CELSR3: variants seen among roughly 807,000 people sequenced by gnomAD.
The protein encoded by CELSR3 is cadherin EGF LAG seven-pass G-type receptor 3, also known as EGF-like protein 1.
CELSR3 carries 73 observed loss-of-function variants against 270.0 expected under a neutral mutation model. That is an observed-to-expected ratio of 0.27 (90% CI 0.22 to 0.33). CELSR3 has a LOEUF of 0.33. Among genes scored for constraint, CELSR3 ranks in the 10% least tolerant of loss-of-function variants. CELSR3 has a pLI of 1.00. For synonymous variants in CELSR3, 1,780 were observed against 1,905.4 expected (o/e 0.93, Z 1.71); for missense variants, 3,614 against 4,533.8 (o/e 0.80, Z 5.83).
At position 48,656,289 on chromosome 3, in the gene CELSR3, G is replaced by T. The variant is rs759668141; in HGVS notation, c.4476C>A (p.Asp1492Glu). 11 of 1,531,828 alleles carry T rather than the reference G, an allele frequency of 7.2e-6. No individual in the cohort carries two copies. The South Asian group carries it at 1.1e-4, about 15-fold the overall frequency. 94.9% of individuals were successfully genotyped at this position (1,531,828 alleles called of 1,614,324 possible). Reference protein sequence around the residue: ...GVCRNGGTCTDAPNGGFRCQC... With the variant: ...GVCRNGGTCTEAPNGGFRCQC... Reference sequence around the variant, plus strand: ...GGCAGCGAAAGCCGCCGTTGGGCGCGTCGGTGCAGGTGCCCCCGTTGCGGC... The same window carrying T: ...GGCAGCGAAAGCCGCCGTTGGGCGCTTCGGTGCAGGTGCCCCCGTTGCGGC... Residue 1492 changes from aspartate (D) to glutamate (E), a missense_variant, in exon 3 of 35, where the codon GAC (aspartate) becomes GAA (glutamate). By Grantham distance (45) the Asp-to-Glu change is conservative. Transcript: ENST00000164024.
At position 48,644,355 on chromosome 3, in the gene CELSR3, G is replaced by T; in HGVS notation, c.8086-60C>A. On this transcript the variant is annotated intron_variant, in intron 26 of 34. Coordinates refer to ENST00000164024, the MANE Select transcript of CELSR3 (RefSeq NM_001407.3). This position sits in a 1 kb window ranked among gnomAD's most constrained non-coding sequence, Gnocchi z 4.8. ...GGCAGAGAGAGAGAGAGAGAGAGAG[G>T]CAATGAGAGACAGAGAGAGACTAAG... is the stretch of plus-strand genomic sequence containing the variant. 7.6e-7 allele frequency: 1 copy of T among 1,312,896 alleles called. No individual in the cohort carries two copies. The highest frequency in any genetic ancestry group is 1.1e-6 in the Non-Finnish European group (1 of 913,642). 81.3% of individuals were successfully genotyped at this position (1,312,896 alleles called of 1,614,324 possible). A position where few individuals can be genotyped will look rare whatever the true frequency, so the allele number is the denominator to read the frequency against.
Position 48,650,392 on chromosome 3 carries a change from A to T in CELSR3, c.6472+88T>A. ...TCCACCTCTTTGCAGGAACAAAGCCACCCAATTTAGGAAAAGACATGGCTC... is the reference window on the plus strand; with the variant it reads ...TCCACCTCTTTGCAGGAACAAAGCCTCCCAATTTAGGAAAAGACATGGCTC... On this transcript the variant is annotated intron_variant, in intron 16 of 34. Coordinates refer to ENST00000164024, the MANE Select transcript of CELSR3 (RefSeq NM_001407.3). The surrounding 1 kb of genome is among the most constrained non-coding windows in gnomAD (Gnocchi z 5.1). The T allele has an allele frequency of 9.4e-7, 1 of 1,063,930 alleles. No individual in the cohort carries two copies. The highest frequency in any genetic ancestry group is 1.4e-6 in the Non-Finnish European group (1 of 706,610). The allele number at this position is 1,063,930 out of a possible 1,614,324, so 65.9% of individuals were successfully genotyped here.
Position 48,662,462 on chromosome 3 carries a change from C to T in CELSR3, c.173G>A (p.Gly58Asp). The change falls in exon 1 of 35, where the codon GGC becomes GAC. Residue 58 changes from glycine to aspartate, a missense_variant. Around this residue, in one of 7 missense-constraint regions of CELSR3, gnomAD observed 470 missense variants for 469.7 expected, o/e 1.00. Coordinates refer to ENST00000164024, the MANE Select transcript of CELSR3 (RefSeq NM_001407.3). The surrounding 1 kb of genome is among the most constrained non-coding windows in gnomAD (Gnocchi z 7.1). The part of the protein sequence containing the change: ...ATTGPRAHIG[G>D]GALALCPESS... ...CTCCGGACAAAGAGCTAAGGCTCCGCCACCGATATGCGCCCTTGGCCCCGT... is the reference window on the plus strand; with the variant it reads ...CTCCGGACAAAGAGCTAAGGCTCCGTCACCGATATGCGCCCTTGGCCCCGT... 5 of 1,612,806 alleles carry T rather than the reference C, an allele frequency of 3.1e-6. No homozygotes were observed. Among genetic ancestry groups the T allele is most frequent in the Non-Finnish European group, 4.2e-6 (5 of 1,179,900 alleles).
rs781250729 is a variant in CELSR3 at position 48,645,425 on chromosome 3, C to T, written c.7797+18G>A. ...GTAGGGTCATCAGGACACAAGTTCC[C>T]TGGCCCTGATCCTGCACCTGATTGT... On this transcript the variant is annotated intron_variant, in intron 24 of 34. Transcript: ENST00000164024. The surrounding 1 kb of genome is among the most constrained non-coding windows in gnomAD (Gnocchi z 5.4). 3 of 1,612,612 alleles carry T rather than the reference C, an allele frequency of 1.9e-6. No homozygotes were observed. Among genetic ancestry groups the T allele is most frequent in the African/African-American group, 1.3e-5 (1 of 74,928 alleles).
At position 48,643,057 on chromosome 3, in the gene CELSR3, A is replaced by G. The variant is rs773745085; in HGVS notation, c.8316T>C (p.Cys2772=). ...CAGCCCGAGCATCTGCATTTAGGAC[A>G]CAGAAGAGCAGCAGCACCGCCAGGC... is the stretch of plus-strand genomic sequence containing the variant. The part of the protein sequence containing the change: ...LQGLAVLLLF[C]VLNADARAAW... Residue 2772 remains cysteine (C), a synonymous_variant, in exon 29 of 35, where the codon TGT becomes TGC. Transcript: ENST00000164024. The G allele has an allele frequency of 2.5e-6, 4 of 1,612,632 alleles. No homozygotes were observed. The highest frequency in any genetic ancestry group is 3.4e-6 in the Non-Finnish European group (4 of 1,179,742).
chr3:48,645,559 G>A lies in CELSR3; in HGVS notation c.7681C>T (p.Leu2561=). The A allele has an allele frequency of 1.9e-6, 3 of 1,612,666 alleles. No individual in the cohort carries two copies. The highest frequency in any genetic ancestry group is 2.5e-6 in the Non-Finnish European group (3 of 1,179,978). Residue 2561 remains leucine, a synonymous_variant, in exon 24 of 35, where the codon CTG becomes TTG. Transcript: ENST00000164024. This position sits in a 1 kb window ranked among gnomAD's most constrained non-coding sequence, Gnocchi z 5.4. The part of the protein sequence containing the change: ...VAALVLTAAI[L]LSLRSLKSNV... Reference sequence around the variant, plus strand: ...GACTTGAGGCTGCGCAGGCTCAGCAGGATGGCTGCAGTCAGCACCAGCGCA... The same window carrying A: ...GACTTGAGGCTGCGCAGGCTCAGCAAGATGGCTGCAGTCAGCACCAGCGCA...
In CELSR3 at chr3:48,662,699, C is replaced by T. The variant is rs548854693; in HGVS notation, c.-65G>A. 1.9e-5 allele frequency: 14 copies of T among 726,104 alleles called. No individual in the cohort carries two copies. The East Asian group carries it at 4.3e-4, about 22-fold the overall frequency. The allele number at this position is 726,104 out of a possible 1,614,324, so 45.0% of individuals were successfully genotyped here. A position where few individuals can be genotyped will look rare whatever the true frequency, so the allele number is the denominator to read the frequency against. ...GGTCCGGGCCTTGGGCTGGCCCCGC[C>T]GCTCGGGCCCCCTCCCGGGCCCCTG... is the stretch of plus-strand genomic sequence containing the variant. On this transcript the variant is annotated 5_prime_UTR_variant, in exon 1 of 35. Coordinates refer to ENST00000164024, the MANE Select transcript of CELSR3 (RefSeq NM_001407.3). The surrounding 1 kb of genome is among the most constrained non-coding windows in gnomAD (Gnocchi z 7.1).
chr3:48,640,774 C>T lies in CELSR3; in HGVS notation c.9026-215G>A. Reference sequence around the variant, plus strand: ...AGGGCAGTCATCTTCCAGTTGTGGTCCCGGGGCAGGGGGAGGGCGGGCAGG... The same window carrying T: ...AGGGCAGTCATCTTCCAGTTGTGGTTCCGGGGCAGGGGGAGGGCGGGCAGG... On this transcript the variant is annotated intron_variant, in intron 33 of 34. Coordinates refer to ENST00000164024, the MANE Select transcript of CELSR3 (RefSeq NM_001407.3). This position sits in a 1 kb window ranked among gnomAD's most constrained non-coding sequence, Gnocchi z 7.5. The T allele has an allele frequency of 5.4e-6, 3 of 552,404 alleles. No homozygotes were observed. The highest frequency in any genetic ancestry group is 6.3e-6 in the Non-Finnish European group (2 of 318,042). 34.2% of individuals were successfully genotyped at this position (552,404 alleles called of 1,614,324 possible). A position where few individuals can be genotyped will look rare whatever the true frequency, so the allele number is the denominator to read the frequency against.
rs2077042694 is a variant in CELSR3, at chr3:48,658,683, C to T, written c.3748+204G>A. Among the ~76,000 whole-genome samples, 1 of 152,176 alleles carries T rather than the reference C, an allele frequency of 6.6e-6. No individual in the cohort carries two copies. Among genetic ancestry groups the T allele is most frequent in the Admixed American group, 6.5e-5 (1 of 15,292 alleles). On this transcript the variant is annotated intron_variant, in intron 1 of 34. Transcript: ENST00000164024. This position sits in a 1 kb window ranked among gnomAD's most constrained non-coding sequence, Gnocchi z 4.7. ...TGGGGTCTGCTAGATGCCTTGGAAT[C>T]ACTGGGATTCTGTGGAGATTATCCA...
chr3:48,645,532 T>C lies in CELSR3; in HGVS notation c.7708A>G (p.Asn2570Asp), dbSNP rs1295633910. The change falls in exon 24 of 35, where the codon AAT becomes GAT. Residue 2570 changes from asparagine (N) to aspartate (D), a missense_variant. Physicochemically the swap from Asn to Asp is conservative, Grantham distance 23 (BLOSUM62 1). Coordinates refer to ENST00000164024, the MANE Select transcript of CELSR3 (RefSeq NM_001407.3). The surrounding 1 kb of genome is among the most constrained non-coding windows in gnomAD (Gnocchi z 5.4). ...ACATTGGCATGGATCCCACGCACAT[T>C]GGACTTGAGGCTGCGCAGGCTCAGC... is the stretch of plus-strand genomic sequence containing the variant. Reference protein sequence around the residue: ...ILLSLRSLKSNVRGIHANVAA... With the variant: ...ILLSLRSLKSDVRGIHANVAA... 1 of 1,612,726 alleles carries C rather than the reference T, an allele frequency of 6.2e-7. No individual in the cohort carries two copies. Among genetic ancestry groups the C allele is most frequent in the Admixed American group, 1.7e-5 (1 of 60,028 alleles).
Position 48,655,674 on chromosome 3 carries a change from A to C in CELSR3, c.4741+62T>G. 2.2e-6 allele frequency: 3 copies of C among 1,391,680 alleles called. No homozygotes were observed. The highest frequency in any genetic ancestry group is 1.2e-5 in the South Asian group (1 of 86,424). The allele number at this position is 1,391,680 out of a possible 1,614,324, so 86.2% of individuals were successfully genotyped here. A position where few individuals can be genotyped will look rare whatever the true frequency, so the allele number is the denominator to read the frequency against. ...TGCACAGTGAAGCAAACCTGAGGGG[A>C]CTTGGGCCCTGCGTCCTCCAGCACA... On this transcript the variant is annotated intron_variant, in intron 4 of 34. Transcript: ENST00000164024. The surrounding 1 kb of genome is among the most constrained non-coding windows in gnomAD (Gnocchi z 5.8).
chr3:48,640,430 G>A lies in CELSR3; in HGVS notation c.9155C>T (p.Ala3052Val), dbSNP rs563226295. The change falls in exon 34 of 35, where the codon GCT (alanine) becomes GTT (valine). Residue 3052 changes from alanine to valine, a missense_variant. By Grantham distance (64) the Ala-to-Val change is moderately conservative. Transcript: ENST00000164024. The surrounding 1 kb of genome is among the most constrained non-coding windows in gnomAD (Gnocchi z 7.5). ...TGAAAGGCTGCCCGTGCCCCCGCCAGCATAGATGCGACCGTAAGAGGCAGC... is the reference window on the plus strand; with the variant it reads ...TGAAAGGCTGCCCGTGCCCCCGCCAACATAGATGCGACCGTAAGAGGCAGC... ...VPAASYGRIY[A>V]GGGTGSLSQP... 5 of 1,612,686 alleles carry A rather than the reference G, an allele frequency of 3.1e-6. No individual in the cohort carries two copies. The Admixed American group carries it at 8.3e-5, about 27-fold the overall frequency.
rs2046987852 is a variant in CELSR3, at chr3:48,637,963, T to C, written c.*242A>G. Reference sequence around the variant, plus strand: ...AAAGCTGAAAAATAACATAAGCATCTCTCTGGTTACAAAGGTACAAAACGT... The same window carrying C: ...AAAGCTGAAAAATAACATAAGCATCCCTCTGGTTACAAAGGTACAAAACGT... On this transcript the variant is annotated 3_prime_UTR_variant, in exon 35 of 35. Transcript: ENST00000164024. 4.7e-6 allele frequency: 2 copies of C among 427,840 alleles called. No homozygotes were observed. The highest frequency in any genetic ancestry group is 4.2e-6 in the Non-Finnish European group (1 of 236,128). The allele number at this position is 427,840 out of a possible 1,614,324, so 26.5% of individuals were successfully genotyped here. A position where few individuals can be genotyped will look rare whatever the true frequency, so the allele number is the denominator to read the frequency against.
Position 48,642,222 on chromosome 3 carries a change from G to C in CELSR3, c.8665+136C>G. 2 of 977,252 alleles carry C rather than the reference G, an allele frequency of 2.0e-6. No homozygotes were observed. The highest frequency in any genetic ancestry group is 3.4e-5 in the South Asian group (2 of 58,752). The allele number at this position is 977,252 out of a possible 1,614,324, so 60.5% of individuals were successfully genotyped here. A position where few individuals can be genotyped will look rare whatever the true frequency, so the allele number is the denominator to read the frequency against. ...TGGGAGAACCAGGGCTGGAGAGGTA[G>C]GTGCCTCCTGAGGCAGGGACCCTGG... On this transcript the variant is annotated intron_variant, in intron 31 of 34. Coordinates refer to ENST00000164024, the MANE Select transcript of CELSR3 (RefSeq NM_001407.3). The surrounding 1 kb of genome is among the most constrained non-coding windows in gnomAD (Gnocchi z 6.1).
chr3:48,657,464 G>A lies in CELSR3; in HGVS notation c.3749-116C>T. 1 of 1,110,834 alleles carries A rather than the reference G, an allele frequency of 9.0e-7. No homozygotes were observed. The highest frequency in any genetic ancestry group is 1.2e-6 in the Non-Finnish European group (1 of 803,832). 68.8% of individuals were successfully genotyped at this position (1,110,834 alleles called of 1,614,324 possible). A position where few individuals can be genotyped will look rare whatever the true frequency, so the allele number is the denominator to read the frequency against. ...GCCCCCAGAACCTCTAAGTCAGCAG[G>A]CTGACCCCACCAGGACACAAGGGAG... On this transcript the variant is annotated intron_variant, in intron 1 of 34. Coordinates refer to ENST00000164024, the MANE Select transcript of CELSR3 (RefSeq NM_001407.3). This position sits in a 1 kb window ranked among gnomAD's most constrained non-coding sequence, Gnocchi z 5.4.
Position 48,651,128 on chromosome 3 carries a change from G to T in CELSR3, c.6187-53C>A. 6.6e-7 allele frequency: 1 copy of T among 1,513,788 alleles called. No homozygotes were observed. The highest frequency in any genetic ancestry group is 8.9e-7 in the Non-Finnish European group (1 of 1,123,590). 93.8% of individuals were successfully genotyped at this position (1,513,788 alleles called of 1,614,324 possible). ...AGTCAGAGGTCAGGGCTTGGGGAAT[G>T]AGTGGAATCAAGGATAAAGGGTCAA... On this transcript the variant is annotated intron_variant, in intron 14 of 34. Transcript: ENST00000164024. This position sits in a 1 kb window ranked among gnomAD's most constrained non-coding sequence, Gnocchi z 7.4.
At position 48,648,471 on chromosome 3, in the gene CELSR3, C is replaced by T. The variant is rs2106707962; in HGVS notation, c.6778-10G>A. 1 of 1,531,636 alleles carries T rather than the reference C, an allele frequency of 6.5e-7. No homozygotes were observed. The highest frequency in any genetic ancestry group is 2.4e-5 in the East Asian group (1 of 41,816). 94.9% of individuals were successfully genotyped at this position (1,531,636 alleles called of 1,614,324 possible). A position where few individuals can be genotyped will look rare whatever the true frequency, so the allele number is the denominator to read the frequency against. On this transcript the variant is annotated splice_polypyrimidine_tract_variant and intron_variant, in intron 18 of 34. Transcript: ENST00000164024. ...CGGCCCACAGCAGATTCTGGGAAGA[C>T]AGAGATAGAATTGGGTTCAGCCAGG...
At chr3:48,649,333 A>C in intron 16 of CELSR3, 118 bp from the exon 17 acceptor site, 1 of 850,218 alleles carries the variant, frequency 1.2e-6, no homozygotes, top group Non-Finnish European at 1.8e-6. Flanking sequence ...AGTCATGAGC[A>C]TCTATAGCTG....
intron 16 of CELSR3, among the ~76,000 whole-genome samples, chr3:48,649,428 C>T (rs575593659): frequency 5.3e-5 from 8 of 152,332 alleles, no homozygotes; most frequent in Admixed American, 5.2e-4. Flanking sequence ...CCATTCTCAA[C>T]CAGCAACCAC....
Sources: gnomAD v4.1 joint callset for allele counts (sites outside exome capture counted in the v4.1 genomes callset) on GRCh38, gnomAD v4.1.1 for gene constraint, gnomAD v4.1.1 regional missense constraint, Gnocchi (gnomAD v3.1) non-coding constraint, MANE v1.5 for transcripts, NCBI Gene and HGNC (gene_info 2026-07-23, HGNC 2026-07-21) for gene names.